Variants in CDH13 observed in about 807,000 individuals in gnomAD.
The protein encoded by CDH13 is cadherin-13.
Under a neutral mutation model 63.8 loss-of-function variants are expected in CDH13, and 24 were observed. The ratio of observed to expected loss-of-function variants is 0.38; its 90% CI spans 0.27 to 0.53. The LOEUF (loss-of-function observed/expected upper bound fraction) is 0.53. Ranked by LOEUF, CDH13 falls within the 20% of genes least tolerant of loss-of-function variation. The pLI, the probability that CDH13 is intolerant of heterozygous loss-of-function variation, is 0.85. For synonymous variants in CDH13, 503 were observed against 355.3 expected (o/e 1.42, Z -4.67); for missense variants, 1,049 against 903.1 (o/e 1.16, Z -2.07).
chr16:82,956,676 A>G (rs1274445162), intron 2 of CDH13, among the ~76,000 whole-genome samples: 1 of 152,154 alleles, frequency 6.6e-6, no homozygotes, highest in Non-Finnish European at 1.5e-5. Flanking sequence ...CCACTCCCTT[A>G]GCAGATGCTT....
At chr16:83,585,103 C>T (rs1372934513) in intron 7 of CDH13, among the ~76,000 whole-genome samples, 1 of 152,120 alleles carries the variant, frequency 6.6e-6, no homozygotes, top group Non-Finnish European at 1.5e-5. Context: ...CGAGCCATGA[C>T]TTAGATTTGA....
At chr16:83,565,213 G>A (rs982370192) in intron 7 of CDH13, among the ~76,000 whole-genome samples, 4 of 151,816 alleles carry the variant, frequency 2.6e-5, no homozygotes, top group Non-Finnish European at 5.9e-5. Context: ...CTTACTTCTC[G>A]GTTTCTGGCT....
At chr16:82,665,888 A>G (rs552430320) in intron 1 of CDH13, among the ~76,000 whole-genome samples, 35 of 152,306 alleles carry the variant, frequency 2.3e-4, no homozygotes, top group African/African-American at 8.4e-4. Flanking sequence ...ACTGTCTCAT[A>G]TAAGAGTATT....
Position 83,748,302 on chromosome 16 carries a change from C to T in CDH13, c.1681+52C>T, listed in dbSNP as rs1236901117. On this transcript the variant is annotated intron_variant, in intron 11 of 13. Coordinates refer to ENST00000567109, the MANE Select transcript of CDH13 (RefSeq NM_001257.5). The stretch of plus-strand genomic sequence containing the variant: ...GGTATACTTTTCTGCTACAAATATA[C>T]TTTTACATTTTTAAATTTCTTCTGA... 7.3e-6 allele frequency: 11 copies of T among 1,510,868 alleles called. 1 individual carries two copies. Among genetic ancestry groups the T allele is most frequent in the African/African-American group, 1.4e-5 (1 of 72,156 alleles). The allele number at this position is 1,510,868 out of a possible 1,614,324, so 93.6% of individuals were successfully genotyped here.
chr16:82,815,028 C>T (rs1268020462), intron 1 of CDH13, among the ~76,000 whole-genome samples: 1 of 151,910 alleles, frequency 6.6e-6, no homozygotes, highest in African/African-American at 2.4e-5. Flanking sequence ...TTCTATCCTT[C>T]ATATTGGCCC....
chr16:83,254,949 C>CTTTT (rs1358807734), intron 5 of CDH13, among the ~76,000 whole-genome samples: 1,744 of 6,702 alleles, frequency 0.26, 91 homozygotes, highest in Middle Eastern at 0.33. Context: ...TTTTCTTTTT[C>CTTTT]TCTTTCTTTC....
chr16:83,724,099 G>C (rs1339068551), intron 10 of CDH13, among the ~76,000 whole-genome samples: 6 of 147,170 alleles, frequency 4.1e-5, no homozygotes, highest in African/African-American at 1.5e-4. Flanking sequence ...AGCATGGGTG[G>C]GTGATGAATG....
chr16:82,776,459 C>G (rs1232159855), intron 1 of CDH13, among the ~76,000 whole-genome samples: 7 of 152,096 alleles, frequency 4.6e-5, no homozygotes, highest in Non-Finnish European at 1.0e-4. Flanking sequence ...GTGGGAGTCT[C>G]TGAATCTGTA....
intron 1 of CDH13, among the ~76,000 whole-genome samples, chr16:82,701,737 A>G (rs2031041108): frequency 2.0e-5 from 3 of 152,086 alleles, no homozygotes; most frequent in South Asian, 2.1e-4. Flanking sequence ...TCTTCCTAAC[A>G]CTTTCCATAC....
rs145947957 is a variant in CDH13, at chr16:82,676,176, T to C, written c.45+49039T>C. Among the ~76,000 whole-genome samples the C allele has an allele frequency of 1.6e-3, 246 of 152,346 alleles. 1 individual carries two copies. Among genetic ancestry groups the C allele is most frequent in the African/African-American group, 5.5e-3 (229 of 41,594 alleles). ...ACCTGACCACCAATAATTCATATAT[T>C]TGGTCTTTCGGTTTAGTCATCTTGG... On this transcript the variant is annotated intron_variant, in intron 1 of 13. Coordinates refer to ENST00000567109, the MANE Select transcript of CDH13 (RefSeq NM_001257.5).
intron 5 of CDH13, among the ~76,000 whole-genome samples, chr16:83,260,313 G>A (rs1311516421): frequency 2.0e-5 from 3 of 152,118 alleles, no homozygotes; most frequent in Admixed American, 1.3e-4. Context: ...CAAGATGTTA[G>A]GTAAGAACAT....
chr16:83,646,593 T>C (rs1481730590), intron 8 of CDH13, among the ~76,000 whole-genome samples: 1 of 149,182 alleles, frequency 6.7e-6, no homozygotes, highest in Non-Finnish European at 1.5e-5. Context: ...TCCCAGCTAC[T>C]CAGAGGCTGA....
At chr16:83,301,465 C>T (rs953306825) in intron 5 of CDH13, among the ~76,000 whole-genome samples, 8 of 152,076 alleles carry the variant, frequency 5.3e-5, no homozygotes, top group African/African-American at 1.2e-4. Context: ...CTCATCATTT[C>T]GGAGTTTTTC....
intron 7 of CDH13, among the ~76,000 whole-genome samples, chr16:83,514,514 G>A (rs1036856257): frequency 3.9e-5 from 6 of 152,162 alleles, no homozygotes; most frequent in Non-Finnish European, 2.9e-5. Context: ...GCATGGTGGT[G>A]CTCACCTGCA....
At chr16:83,570,050 T>A (rs1278647345) in intron 7 of CDH13, among the ~76,000 whole-genome samples, 3 of 152,146 alleles carry the variant, frequency 2.0e-5, no homozygotes, top group Admixed American at 2.0e-4. Context: ...CCAGTGGTTT[T>A]AAACTGATCA....
At chr16:82,939,442 G>A (rs979625540) in intron 2 of CDH13, among the ~76,000 whole-genome samples, 5 of 146,854 alleles carry the variant, frequency 3.4e-5, no homozygotes, top group African/African-American at 1.0e-4. Context: ...TAAATAAAAG[G>A]GAGCAAGGGA....
chr16:83,755,250 G>T (rs1567574545), intron 11 of CDH13, among the ~76,000 whole-genome samples: 2 of 152,162 alleles, frequency 1.3e-5, no homozygotes, highest in South Asian at 4.2e-4. Flanking sequence ...TTTTAACCTG[G>T]AATATGAATC....
At chr16:82,950,478 T>TG (rs1905179860) in intron 2 of CDH13, among the ~76,000 whole-genome samples, 1 of 152,106 alleles carries the variant, frequency 6.6e-6, no homozygotes, top group Non-Finnish European at 1.5e-5. Flanking sequence ...ACTGTTCTTG[T>TG]GGTAGTGAGT....
At chr16:82,856,269 G>C (rs1036010992) in intron 1 of CDH13, among the ~76,000 whole-genome samples, 1 of 151,658 alleles carries the variant, frequency 6.6e-6, no homozygotes, top group South Asian at 2.1e-4. Flanking sequence ...CCACTTACTC[G>C]GGAGGCTGAG....
Sources: gnomAD v4.1 joint callset for allele counts (sites outside exome capture counted in the v4.1 genomes callset) on GRCh38, gnomAD v4.1.1 for gene constraint, MANE v1.5 for transcripts, NCBI Gene and HGNC (gene_info 2026-07-23, HGNC 2026-07-21) for gene names.